MROH9: variants seen among roughly 807,000 people sequenced by gnomAD.
The protein encoded by MROH9 is maestro heat-like repeat-containing protein family member 9.
Under a neutral mutation model 98.2 loss-of-function variants are expected in MROH9, and 92 were observed. That is an observed-to-expected ratio of 0.94 (90% CI 0.79 to 1.11). The LOEUF is 1.11. MROH9 is among the 50% of genes most tolerant of loss of function. The probability of loss-of-function intolerance (pLI) is 0.00; values close to 1 mark genes in which losing one functional copy is unlikely to be tolerated. For missense variants in MROH9, 1,057 were observed against 1,014.8 expected (o/e 1.04, Z -0.57); for synonymous variants, 397 against 368.9 (o/e 1.08, Z -0.87).
intron 20 of MROH9, among the ~76,000 whole-genome samples, chr1:171,058,072 G>C (rs544001849): frequency 6.6e-6 from 1 of 152,134 alleles, no homozygotes; most frequent in Admixed American, 6.5e-5. Flanking sequence ...AGATGACACG[G>C]TTTTATATTT....
chr1:171,020,460 T>C (rs1040705732), intron 17 of MROH9, among the ~76,000 whole-genome samples: 6 of 152,192 alleles, frequency 3.9e-5, no homozygotes, highest in African/African-American at 1.4e-4. Context: ...TGGTTCAACA[T>C]ATACAAATCA....
intron 20 of MROH9, among the ~76,000 whole-genome samples, chr1:171,046,018 T>C (rs1653463329): frequency 6.6e-6 from 1 of 152,202 alleles, no homozygotes. Context: ...ATCTTCTTGC[T>C]GAATTGACCC....
chr1:171,018,917 CAAATTAACAGGATAT>C (rs931336833), intron 17 of MROH9, among the ~76,000 whole-genome samples: 110 of 151,980 alleles, frequency 7.2e-4, no homozygotes, highest in African/African-American at 2.5e-3. Flanking sequence ...AACAAGACAG[CAAATTAACAGGATAT>C]TGAGGACTTA....
At chr1:171,028,824 T>G (rs1158384454) in intron 20 of MROH9, among the ~76,000 whole-genome samples, 1 of 152,216 alleles carries the variant, frequency 6.6e-6, no homozygotes, top group Non-Finnish European at 1.5e-5. Context: ...TGGCTCTCTG[T>G]GTGTCTATCA....
Position 171,016,307 on chromosome 1 carries a change from G to T in MROH9, c.1879G>T (p.Gly627Cys), listed in dbSNP as rs1373488405. 6 of 1,533,076 alleles carry T rather than the reference G, an allele frequency of 3.9e-6. No individual in the cohort carries two copies. The Middle Eastern group carries it at 6.7e-4, about 172-fold the overall frequency. 95.0% of individuals were successfully genotyped at this position (1,533,076 alleles called of 1,614,324 possible). A position where few individuals can be genotyped will look rare whatever the true frequency, so the allele number is the denominator to read the frequency against. The change falls in exon 17 of 22, where the codon GGT becomes TGT. Residue 627 changes from glycine (G) to cysteine (C), a missense_variant. Gly to Cys is a radical substitution (Grantham distance 159). Transcript: ENST00000367759. ...KVTYSLGTRI[G>C]SSYCTLMDHI... ...GACCTACTCTTTGGGTACCAGAATT[G>T]GTTCCAGCTACTGTACTCTGATGGA...
chr1:170,974,216 C>G (rs768388389), intron 8 of MROH9, among the ~76,000 whole-genome samples: 8 of 152,160 alleles, frequency 5.3e-5, no homozygotes, highest in Middle Eastern at 6.8e-3. Flanking sequence ...TTATTTGAGT[C>G]TCTGAAAGTG....
At chr1:171,062,233 T>C in intron 21 of MROH9, 39 bp downstream of exon 21, 1 of 1,354,742 alleles carries the variant, frequency 7.4e-7, no homozygotes, top group Non-Finnish European at 1.0e-6. Context: ...TATGCATAAA[T>C]CTAAATACAT....
chr1:171,056,021 A>C (rs914767369), intron 20 of MROH9, among the ~76,000 whole-genome samples: 1 of 151,968 alleles, frequency 6.6e-6, no homozygotes, highest in African/African-American at 2.4e-5. Flanking sequence ...GAAAGATCCC[A>C]CTCATGAACC....
intron 1 of MROH9, among the ~76,000 whole-genome samples, chr1:170,944,044 A>T (rs1255249198): frequency 1.3e-5 from 2 of 152,062 alleles, no homozygotes; most frequent in South Asian, 2.1e-4. Context: ...GATAAGGGGA[A>T]AGTTAATAAA....
intron 3 of MROH9, among the ~76,000 whole-genome samples, chr1:170,948,779 T>C (rs1649433809): frequency 6.6e-6 from 1 of 152,078 alleles, no homozygotes; most frequent in Non-Finnish European, 1.5e-5. Flanking sequence ...AGATTTGAGC[T>C]GGACTTTGAA....
intron 20 of MROH9, among the ~76,000 whole-genome samples, chr1:171,040,898 G>T (rs1653274102): frequency 6.6e-6 from 1 of 152,012 alleles, no homozygotes; most frequent in Non-Finnish European, 1.5e-5. Context: ...ATAACTATTT[G>T]AAGATTCTGA....
intron 8 of MROH9, among the ~76,000 whole-genome samples, chr1:170,972,522 A>T (rs1190032441): frequency 6.6e-6 from 1 of 152,170 alleles, no homozygotes; most frequent in East Asian, 1.9e-4. Context: ...AAATATACAT[A>T]GTTTTTGGCA....
At chr1:170,976,419 G>A (rs1331989701) in intron 8 of MROH9, among the ~76,000 whole-genome samples, 3 of 152,112 alleles carry the variant, frequency 2.0e-5, no homozygotes, top group African/African-American at 7.2e-5. Context: ...AGTTGAGCCA[G>A]ATATGAAATT....
chr1:170,951,942 T>A (rs1353500682), intron 3 of MROH9, among the ~76,000 whole-genome samples: 1 of 152,078 alleles, frequency 6.6e-6, no homozygotes, highest in South Asian at 2.1e-4. Flanking sequence ...GGGTGAAGGA[T>A]ATGAACAGAC....
At chr1:171,001,258 A>T (rs1335790317) in intron 15 of MROH9, among the ~76,000 whole-genome samples, 1 of 151,136 alleles carries the variant, frequency 6.6e-6, no homozygotes, top group South Asian at 2.1e-4. Flanking sequence ...TTCTGCTGTG[A>T]TCTTGGTTAT....
At chr1:170,978,239 T>C (rs1367786253) in intron 8 of MROH9, among the ~76,000 whole-genome samples, 2 of 152,018 alleles carry the variant, frequency 1.3e-5, no homozygotes, top group African/African-American at 2.4e-5. Context: ...GGTGGAAAGA[T>C]TGGTCTCCTC....
At chr1:170,977,463 A>G (rs28799358) in intron 8 of MROH9, among the ~76,000 whole-genome samples, 48,216 of 151,934 alleles carry the variant, frequency 0.32, 7,764 homozygotes, top group Middle Eastern at 0.46. Flanking sequence ...CTGACTTCTC[A>G]TCTTTGGTTT....
intron 1 of MROH9, among the ~76,000 whole-genome samples, chr1:170,939,788 T>C (rs771216540): frequency 6.6e-6 from 1 of 152,132 alleles, no homozygotes; most frequent in Non-Finnish European, 1.5e-5. Context: ...AAGCATTCAG[T>C]CTCTACTAAG....
intron 17 of MROH9, among the ~76,000 whole-genome samples, chr1:171,019,728 C>T (rs1652449631): frequency 6.7e-6 from 1 of 149,830 alleles, no homozygotes; most frequent in Admixed American, 6.7e-5. Context: ...CAGGAGCAAA[C>T]AAATTCAAAA....
Sources: gnomAD v4.1 joint callset for allele counts (sites outside exome capture counted in the v4.1 genomes callset) on GRCh38, gnomAD v4.1.1 for gene constraint, MANE v1.5 for transcripts, NCBI Gene and HGNC (gene_info 2026-07-23, HGNC 2026-07-21) for gene names.